The following DMD variants were observed in gnomAD, a reference collection of about 807,000 sequenced individuals.
The protein encoded by DMD is mutant dystrophin.
In DMD, 63 loss-of-function variants were observed where a neutral mutation model predicts 330.1. That is an observed-to-expected ratio of 0.19 (90% CI 0.16 to 0.24). The LOEUF is 0.24. Ranked by LOEUF, DMD falls within the 10% of genes least tolerant of loss-of-function variation. DMD has a pLI of 1.00. For synonymous variants in DMD, 1,223 were observed against 959.8 expected (o/e 1.27, Z -5.07); for missense variants, 3,344 against 2,684.1 (o/e 1.25, Z -5.43).
intron 67 of DMD, among the ~76,000 whole-genome samples, chrX:31,192,512 T>C (rs10217900): frequency 0.27 from 30,061 of 111,232 alleles, 3,010 homozygotes; most frequent in Admixed American, 0.32. Context: ...CTATATCTTA[T>C]AGCTCTGATA....
At chrX:32,875,705 A>G (rs6628746) in intron 2 of DMD, among the ~76,000 whole-genome samples, 36,813 of 110,826 alleles carry the variant, frequency 0.33, 4,495 homozygotes, top group South Asian at 0.46. Context: ...CTCAGACCCC[A>G]AGTAAATTTC....
chrX:33,274,545 T>A (rs142172812), intron 1 of DMD, among the ~76,000 whole-genome samples: 120 of 112,006 alleles, frequency 1.1e-3, no homozygotes, highest in African/African-American at 3.8e-3. Context: ...GTAGAAACCA[T>A]TCTGCCAGGG....
intron 63 of DMD, among the ~76,000 whole-genome samples, chrX:31,239,673 C>G (rs1205544594): frequency 8.9e-6 from 1 of 111,782 alleles, no homozygotes. Context: ...AAACATCTGA[C>G]TGGAAAACAA....
intron 2 of DMD, among the ~76,000 whole-genome samples, chrX:32,951,248 C>T (rs796218456): frequency 1.8e-5 from 2 of 111,807 alleles, no homozygotes; most frequent in Non-Finnish European, 3.8e-5. Flanking sequence ...CACATTTCCC[C>T]AGCCCAGAAG....
rs2148223023 is a variant in DMD, at chrX:32,441,316, TAAGA to T, written c.3787-6_3787-3del. On this transcript the variant is annotated splice_polypyrimidine_tract_variant and splice_region_variant and intron_variant, in intron 27 of 78. Coordinates refer to ENST00000357033, the MANE Select transcript of DMD (RefSeq NM_004006.3). ...CTCATGCCAACATGCCCAAACTTCCTAAGAAAGAAATATATATCACAGATTAAAT... is the reference window on the plus strand; with the variant it reads ...CTCATGCCAACATGCCCAAACTTCCTAAGAAATATATATCACAGATTAAAT... 8.3e-7 allele frequency: 1 copy of T among 1,204,922 alleles called. No homozygotes were observed. Among genetic ancestry groups the T allele is most frequent in the African/African-American group, 1.7e-5 (1 of 57,602 alleles).
chrX:31,163,410 T>C (rs141676473), intron 74 of DMD, among the ~76,000 whole-genome samples: 111 of 111,744 alleles, frequency 9.9e-4, no homozygotes, highest in African/African-American at 3.5e-3. Flanking sequence ...CACACGGAAC[T>C]GTGAGTCCAT....
intron 1 of DMD, among the ~76,000 whole-genome samples, chrX:33,271,532 C>G (rs1230044162): frequency 9.0e-6 from 1 of 110,551 alleles, no homozygotes; most frequent in Non-Finnish European, 1.9e-5. Flanking sequence ...TTTGGGAGGC[C>G]AAGGCAGGCA....
At chrX:31,860,867 A>T (rs934329301) in intron 48 of DMD, among the ~76,000 whole-genome samples, 2 of 112,210 alleles carry the variant, frequency 1.8e-5, no homozygotes, top group Non-Finnish European at 3.8e-5. Context: ...TTAGTTAAAA[A>T]TTTTTTAAAT....
At chrX:31,960,078 C>T (rs181968237) in intron 45 of DMD, among the ~76,000 whole-genome samples, 67 of 108,778 alleles carry the variant, frequency 6.2e-4, no homozygotes, top group African/African-American at 2.2e-3. Context: ...TTTCTAATCA[C>T]CTTTATCAAG....
chrX:32,092,654 G>T (rs1174999942), intron 44 of DMD, among the ~76,000 whole-genome samples: 3 of 105,494 alleles, frequency 2.8e-5, no homozygotes, highest in African/African-American at 1.0e-4. Context: ...TACAATACCT[G>T]CAGAAACAGC....
At chrX:31,452,211 C>A (rs974745010) in intron 59 of DMD, among the ~76,000 whole-genome samples, 2 of 89,127 alleles carry the variant, frequency 2.2e-5, no homozygotes, top group Non-Finnish European at 4.2e-5. Context: ...AGACTCAACA[C>A]GCTTCCAAAT....
intron 9 of DMD, among the ~76,000 whole-genome samples, chrX:32,672,823 G>C (rs2061712861): frequency 9.0e-6 from 1 of 110,831 alleles, no homozygotes; most frequent in African/African-American, 3.3e-5. Flanking sequence ...ATAGATAACG[G>C]AAGAGTGAAG....
At chrX:32,194,814 T>C (rs2096991690) in intron 44 of DMD, among the ~76,000 whole-genome samples, 1 of 111,821 alleles carries the variant, frequency 8.9e-6, no homozygotes, top group African/African-American at 3.3e-5. Flanking sequence ...AGAAATATAA[T>C]ATATTCATTA....
intron 60 of DMD, among the ~76,000 whole-genome samples, chrX:31,357,019 T>TA: frequency 9.2e-6 from 1 of 108,739 alleles, no homozygotes; most frequent in East Asian, 2.9e-4. Context: ...GATTTTATCT[T>TA]AAAAAATAGG....
At chrX:31,511,336 A>AT (rs575874863) in intron 55 of DMD, among the ~76,000 whole-genome samples, 2,086 of 95,755 alleles carry the variant, frequency 0.022, 61 homozygotes, top group African/African-American at 0.079. Context: ...TTATTTATTT[A>AT]TTATTATTAT....
At chrX:32,785,124 A>C (rs978249944) in intron 7 of DMD, among the ~76,000 whole-genome samples, 3 of 109,817 alleles carry the variant, frequency 2.7e-5, no homozygotes, top group African/African-American at 9.9e-5. Flanking sequence ...TTTATTAATG[A>C]TGTGGTCAAA....
At chrX:31,886,863 A>T (rs769997128) in intron 47 of DMD, among the ~76,000 whole-genome samples, 2 of 112,313 alleles carry the variant, frequency 1.8e-5, no homozygotes, top group East Asian at 5.6e-4. Context: ...GCTTCTTTTA[A>T]AAAAGAAAAT....
At chrX:31,995,353 A>G (rs1049663843) in intron 44 of DMD, among the ~76,000 whole-genome samples, 2 of 111,819 alleles carry the variant, frequency 1.8e-5, no homozygotes, top group African/African-American at 6.5e-5. Flanking sequence ...ACAAGTGTCA[A>G]TAGGTTTGTA....
intron 63 of DMD, among the ~76,000 whole-genome samples, chrX:31,240,051 T>C (rs1295001645): frequency 9.0e-6 from 1 of 111,708 alleles, no homozygotes; most frequent in Non-Finnish European, 1.9e-5. Flanking sequence ...TTATGAAGCT[T>C]TGAATGGTTG....
Sources: gnomAD v4.1 joint callset for allele counts (sites outside exome capture counted in the v4.1 genomes callset) on GRCh38, gnomAD v4.1.1 for gene constraint, MANE v1.5 for transcripts, NCBI Gene and HGNC (gene_info 2026-07-23, HGNC 2026-07-21) for gene names.